The following ARID2 variants were observed in gnomAD, a reference collection of about 807,000 sequenced individuals.
ARID2 encodes the protein AT-rich interactive domain-containing protein 2.
In ARID2, 32 loss-of-function variants were observed where a neutral mutation model predicts 184.6. That is an observed-to-expected ratio of 0.17 (90% CI 0.13 to 0.23). The LOEUF (loss-of-function observed/expected upper bound fraction) is 0.23, where lower values mean the gene tolerates loss of function less well. Among genes scored for constraint, ARID2 ranks in the 10% least tolerant of loss-of-function variants. ARID2 has a pLI of 1.00. For synonymous variants in ARID2, 836 were observed against 772.6 expected (o/e 1.08, Z -1.36); for missense variants, 1,696 against 2,197.6 (o/e 0.77, Z 4.56).
chr12:45,847,895 ATGT>A, intron 12 of ARID2, among the ~76,000 whole-genome samples: 1 of 152,034 alleles, frequency 6.6e-6, no homozygotes. Flanking sequence ...ATATTTGGAA[ATGT>A]TGTTTGTCTT....
chr12:45,827,120 A>G (rs1289465691), intron 6 of ARID2, among the ~76,000 whole-genome samples: 2 of 152,032 alleles, frequency 1.3e-5, no homozygotes, highest in Admixed American at 1.3e-4. Context: ...TTTTTTCTTA[A>G]GTTAACTCCA....
At chr12:45,832,097 T>C (rs1469607965) in intron 6 of ARID2, among the ~76,000 whole-genome samples, 11 of 152,192 alleles carry the variant, frequency 7.2e-5, no homozygotes, top group Admixed American at 7.2e-4. Context: ...AGGAAATTAA[T>C]GATGTAGTTG....
chr12:45,887,372 CT>C (rs1289749481), intron 16 of ARID2, among the ~76,000 whole-genome samples: 4 of 151,796 alleles, frequency 2.6e-5, no homozygotes, highest in Non-Finnish European at 5.9e-5. Context: ...TGGTTCCTTT[CT>C]TTTGAAAAAG....
intron 3 of ARID2, among the ~76,000 whole-genome samples, chr12:45,737,582 A>G (rs1483085881): frequency 2.0e-5 from 3 of 151,430 alleles, no homozygotes; most frequent in Admixed American, 6.6e-5. Context: ...TCATCATATC[A>G]TGAGGCATAT....
chr12:45,881,472 T>C (rs368416331), intron 16 of ARID2: 1 of 152,932 alleles, frequency 6.5e-6, no homozygotes, highest in African/African-American at 2.4e-5. Context: ...TGCTCTGTTT[T>C]TCTTGGACTT....
rs372591699 is a variant in ARID2 at position 45,836,758 on chromosome 12, T to C, written c.790T>C (p.Trp264Arg). Residue 264 changes from tryptophan to arginine, a missense_variant, in exon 8 of 21, where the codon TGG (tryptophan) becomes CGG (arginine). By Grantham distance (101) the Trp-to-Arg change is moderately radical. Around this residue, in one of 11 missense-constraint regions of ARID2, gnomAD observed 148 missense variants for 285.4 expected, o/e 0.52. Coordinates refer to ENST00000334344, the MANE Select transcript of ARID2 (RefSeq NM_152641.4). Reference sequence around the variant, plus strand: ...TATTGTAGAAGGTACATCAGGAGAATGGATTTGGGAGTCTTTATTTCATCC... The same window carrying C: ...TATTGTAGAAGGTACATCAGGAGAACGGATTTGGGAGTCTTTATTTCATCC... ...NKSHEGTSGE[W>R]IWESLFHPPR... 2 of 1,612,858 alleles carry C rather than the reference T, an allele frequency of 1.2e-6. No homozygotes were observed. The highest frequency in any genetic ancestry group is 1.7e-6 in the Non-Finnish European group (2 of 1,179,294).
intron 16 of ARID2, among the ~76,000 whole-genome samples, chr12:45,862,519 A>G (rs540128002): frequency 2.0e-5 from 3 of 152,084 alleles, no homozygotes; most frequent in Non-Finnish European, 4.4e-5. Flanking sequence ...TGGAATGGGT[A>G]GTGTGCTAAA....
chr12:45,823,203 A>G (rs1300002536), intron 6 of ARID2, among the ~76,000 whole-genome samples: 1 of 152,166 alleles, frequency 6.6e-6, no homozygotes, highest in African/African-American at 2.4e-5. Context: ...CAAGAAAATT[A>G]ACGTGCTCCT....
intron 16 of ARID2, among the ~76,000 whole-genome samples, chr12:45,887,779 C>G (rs1199810991): frequency 6.6e-6 from 1 of 152,202 alleles, no homozygotes; most frequent in Non-Finnish European, 1.5e-5. Context: ...GGCTCCACCC[C>G]GTCCTTCCAG....
At chr12:45,746,100 ATT>A (rs34374158) in intron 3 of ARID2, among the ~76,000 whole-genome samples, 3 of 140,200 alleles carry the variant, frequency 2.1e-5, no homozygotes, top group Admixed American at 7.1e-5. Context: ...TTCTGGTTTG[ATT>A]TTTTTTTTTT....
At chr12:45,865,188 C>G (rs1238472477) in intron 16 of ARID2, among the ~76,000 whole-genome samples, 1 of 152,048 alleles carries the variant, frequency 6.6e-6, no homozygotes, top group Non-Finnish European at 1.5e-5. Context: ...TATACTGATT[C>G]TTGGAATTTA....
At chr12:45,748,262 A>G (rs1941395894) in intron 3 of ARID2, among the ~76,000 whole-genome samples, 3 of 152,054 alleles carry the variant, frequency 2.0e-5, no homozygotes, top group African/African-American at 4.8e-5. Context: ...ATGATGGTGC[A>G]TATCTGTGGT....
chr12:45,760,127 TTAAC>T (rs1433152105), intron 3 of ARID2, among the ~76,000 whole-genome samples: 1 of 152,208 alleles, frequency 6.6e-6, no homozygotes, highest in Non-Finnish European at 1.5e-5. Flanking sequence ...TTTTCTTTAA[TTAAC>T]AGCTTAATTT....
rs2138174605 is a variant in ARID2 at position 45,851,916 on chromosome 12, G to A, written c.3793G>A (p.Val1265Ile). The A allele has an allele frequency of 1.2e-6, 2 of 1,614,196 alleles. No homozygotes were observed. The highest frequency in any genetic ancestry group is 2.2e-5 in the South Asian group (2 of 91,084). ...ACATGTTCATGAACGTAAAATTGAA[G>A]TCATGGAGAACCCGTCCTGCCGACG... ...GLHVHERKIEVMENPSCRRGA... is the reference protein window; with the variant it reads ...GLHVHERKIEIMENPSCRRGA... Residue 1265 changes from valine (V) to isoleucine (I), a missense_variant, in exon 15 of 21, where the codon GTC becomes ATC. Physicochemically the swap from Val to Ile is conservative, Grantham distance 29. This residue lies in a region of ARID2 where 428 missense variants were observed against 409.1 expected (regional missense o/e 1.05). Coordinates refer to ENST00000334344, the MANE Select transcript of ARID2 (RefSeq NM_152641.4).
At chr12:45,876,758 T>C (rs1396243657) in intron 16 of ARID2, among the ~76,000 whole-genome samples, 1 of 149,870 alleles carries the variant, frequency 6.7e-6, no homozygotes, top group East Asian at 2.0e-4. Flanking sequence ...GTGCTGATAG[T>C]CTTGCTTGTC....
intron 6 of ARID2, among the ~76,000 whole-genome samples, chr12:45,827,886 G>T (rs1943031844): frequency 1.3e-5 from 2 of 152,054 alleles, no homozygotes; most frequent in Admixed American, 6.6e-5. Context: ...CTGTGAATAT[G>T]CAGTTAACAG....
At chr12:45,756,834 G>A (rs186197804) in intron 3 of ARID2, among the ~76,000 whole-genome samples, 2 of 152,310 alleles carry the variant, frequency 1.3e-5, no homozygotes, top group Admixed American at 6.5e-5. Context: ...GGGAGGTTGA[G>A]GCTGCAGTAA....
chr12:45,843,734 A>G (rs750911447), intron 11 of ARID2, among the ~76,000 whole-genome samples: 17 of 152,280 alleles, frequency 1.1e-4, no homozygotes, highest in Admixed American at 3.9e-4. Context: ...GCTTTTTATC[A>G]TATACTTCAA....
intron 3 of ARID2, chr12:45,789,530 C>T (rs933003421): frequency 6.6e-6 from 1 of 152,008 alleles, no homozygotes. Context: ...AATATGTATT[C>T]TGTAATTTAA....
Sources: allele counts gnomAD v4.1 joint callset (sites outside exome capture counted in the v4.1 genomes callset), GRCh38; gene constraint gnomAD v4.1.1; regional missense constraint gnomAD v4.1.1; transcripts MANE v1.5; gene names NCBI Gene and HGNC (gene_info 2026-07-23, HGNC 2026-07-21).